Variants in DNAJA3 observed in about 807,000 individuals in gnomAD.
DNAJA3 encodes the protein DnaJ heat shock protein family (Hsp40) member A3, also known as dnaJ homolog subfamily A member 3, mitochondrial.
Under a neutral mutation model 54.9 loss-of-function variants are expected in DNAJA3, and 29 were observed. That is an observed-to-expected ratio of 0.53 (90% CI 0.39 to 0.72). The LOEUF is 0.72. Ranked by LOEUF, DNAJA3 falls within the 30% of genes least tolerant of loss-of-function variation. DNAJA3 has a pLI of 0.00. For synonymous variants in DNAJA3, 302 were observed against 251.4 expected, an observed-to-expected ratio of 1.20 and a Z score of -1.90; for missense variants, 708 against 639.4, an observed-to-expected ratio of 1.11 and a Z score of -1.16.
chr16:4,446,191 G>T (rs973793523), intron 7 of DNAJA3, among the ~76,000 whole-genome samples: 2 of 151,352 alleles, frequency 1.3e-5, no homozygotes, highest in African/African-American at 4.9e-5. Flanking sequence ...AAAGTGCTGG[G>T]ATTACAAGCG....
At chr16:4,448,879 G>A (rs749564392) in intron 9 of DNAJA3, 31 bp downstream of exon 9, 25 of 1,551,774 alleles carry the variant, frequency 1.6e-5, no homozygotes, top group African/African-American at 4.1e-5. Context: ...GGCCAAGCCC[G>A]CCTGGTCCTG....
Position 4,455,652 on chromosome 16 carries a change from C to A in DNAJA3, c.*120C>A. The A allele has an allele frequency of 6.7e-7, 1 of 1,499,034 alleles. No homozygotes were observed. The highest frequency in any genetic ancestry group is 9.1e-7 in the Non-Finnish European group (1 of 1,099,870). 92.9% of individuals were successfully genotyped at this position (1,499,034 alleles called of 1,614,324 possible). A position where few individuals can be genotyped will look rare whatever the true frequency, so the allele number is the denominator to read the frequency against. On this transcript the variant is annotated 3_prime_UTR_variant, in exon 12 of 12. Transcript: ENST00000262375. The stretch of plus-strand genomic sequence containing the variant: ...AACAGCAGCACTGAGCTCCCACCCG[C>A]AGAGCCTCTGGACGGCCTTGGCAAC...
Position 4,448,834 on chromosome 16 carries a change from G to C in DNAJA3, c.1227G>C (p.Lys409Asn). Reference sequence around the variant, plus strand: ...ACGGAGACCACTACATCCACATCAAGATACGAGTTCCAAAGTAAGTGCCCC... The same window carrying C: ...ACGGAGACCACTACATCCACATCAACATACGAGTTCCAAAGTAAGTGCCCC... ...YGYGDHYIHI[K>N]IRVPKRLTSR... The change falls in exon 9 of 12, where the codon AAG becomes AAC. Residue 409 changes from lysine (K) to asparagine (N), a missense_variant. Coordinates refer to ENST00000262375, the MANE Select transcript of DNAJA3 (RefSeq NM_005147.6). The C allele has an allele frequency of 1.2e-6, 2 of 1,613,770 alleles. No individual in the cohort carries two copies. Among genetic ancestry groups the C allele is most frequent in the Non-Finnish European group, 8.5e-7 (1 of 1,179,820 alleles).
intron 2 of DNAJA3, 95 bp from the exon 3 acceptor site, chr16:4,437,306 CT>C (rs1303071754): frequency 9.9e-7 from 1 of 1,007,578 alleles, no homozygotes; most frequent in African/African-American, 1.6e-5. Flanking sequence ...ATAATTATGA[CT>C]GGTATTTGGG....
At chr16:4,432,672 C>T (rs2056719519) in intron 1 of DNAJA3, among the ~76,000 whole-genome samples, 1 of 151,934 alleles carries the variant, frequency 6.6e-6, no homozygotes, top group Non-Finnish European at 1.5e-5. Context: ...CAGATTTCAT[C>T]TATTAAAACA....
chr16:4,447,298 C>G, intron 8 of DNAJA3: 1 of 382,000 alleles, frequency 2.6e-6, no homozygotes. Flanking sequence ...AGGGTTCACC[C>G]TGGGTTGTGC....
intron 10 of DNAJA3, among the ~76,000 whole-genome samples, chr16:4,453,367 A>G (rs2056998553): frequency 6.6e-6 from 1 of 151,900 alleles, no homozygotes; most frequent in African/African-American, 2.4e-5. Context: ...CAGAGAGGGA[A>G]CTGGGGGGGC....
intron 2 of DNAJA3, among the ~76,000 whole-genome samples, chr16:4,435,945 AT>A (rs1186794365): frequency 2.0e-5 from 3 of 152,226 alleles, no homozygotes; most frequent in African/African-American, 7.2e-5. Flanking sequence ...CCAGCAGCAT[AT>A]GAGGGCCATG....
chr16:4,449,231 A>C (rs140739078), intron 9 of DNAJA3, among the ~76,000 whole-genome samples: 11 of 152,034 alleles, frequency 7.2e-5, no homozygotes, highest in East Asian at 3.9e-4. Context: ...CTCCTGACCT[A>C]GTGATCCACC....
chr16:4,435,238 C>T (rs1016820452), intron 2 of DNAJA3, among the ~76,000 whole-genome samples: 4 of 151,922 alleles, frequency 2.6e-5, no homozygotes, highest in African/African-American at 7.3e-5. Context: ...CCATTGTATC[C>T]CAGGGTCTAT....
Position 4,448,852 on chromosome 16 carries a change from A to T in DNAJA3, c.1241+4A>T. On this transcript the variant is annotated splice_donor_region_variant and intron_variant, in intron 9 of 11. Transcript: ENST00000262375. ...ACATCAAGATACGAGTTCCAAAGTA[A>T]GTGCCCCCTAGGCTGTGGCCAAGCC... 6.2e-7 allele frequency: 1 copy of T among 1,610,426 alleles called. No homozygotes were observed. The highest frequency in any genetic ancestry group is 1.1e-5 in the South Asian group (1 of 90,670).
chr16:4,455,389 T>C (rs1003366487), intron 11 of DNAJA3, 157 bp from the exon 12 acceptor site: 15 of 795,908 alleles, frequency 1.9e-5, no homozygotes, highest in Non-Finnish European at 3.1e-5. Context: ...CCGTGTCATC[T>C]TGGGACCCAC....
chr16:4,443,687 C>CT (rs34123742), intron 6 of DNAJA3, among the ~76,000 whole-genome samples: 93,083 of 149,092 alleles, frequency 0.62, 29,978 homozygotes, highest in Non-Finnish European at 0.72. Context: ...CCTCCCTGTT[C>CT]TTTTTTTTTT....
At position 4,435,911 on chromosome 16, in the gene DNAJA3, C is replaced by G. The variant is rs1038850101; in HGVS notation, c.345+1394C>G. 2.6e-5 allele frequency among the ~76,000 whole-genome samples: 4 copies of G among 152,326 alleles called. No individual in the cohort carries two copies. In the South Asian group the frequency reaches 8.3e-4, roughly 32 times the overall value. ...GAGAAGCTGCCAGCCTTTTTCAAAG[C>G]AGCTGCACCATTTTACATTCCCACC... On this transcript the variant is annotated intron_variant, in intron 2 of 11. Coordinates refer to ENST00000262375, the MANE Select transcript of DNAJA3 (RefSeq NM_005147.6).
chr16:4,455,487 C>T lies in DNAJA3; in HGVS notation c.*14-59C>T, dbSNP rs939427738. 40 of 1,541,336 alleles carry T rather than the reference C, an allele frequency of 2.6e-5. No homozygotes were observed. In the Admixed American group the frequency reaches 6.1e-4, roughly 23 times the overall value. ...TCCAGGGATTAACAGACGCTCCCCA[C>T]AGGGGTGTGTTCCCTTGAAATGTTG... On this transcript the variant is annotated intron_variant, in intron 11 of 11. Transcript: ENST00000262375.
chr16:4,455,730 C>G lies in DNAJA3; in HGVS notation c.*198C>G, dbSNP rs992278650. On this transcript the variant is annotated 3_prime_UTR_variant, in exon 12 of 12. Coordinates refer to ENST00000262375, the MANE Select transcript of DNAJA3 (RefSeq NM_005147.6). The stretch of plus-strand genomic sequence containing the variant: ...CCACGGAAAGGTCACAGTGGACAGC[C>G]CGGGCAGTAGGATGCAGCCCCAGAG... 5.1e-6 allele frequency: 4 copies of G among 783,048 alleles called. No homozygotes were observed. Among genetic ancestry groups the G allele is most frequent in the Non-Finnish European group, 8.3e-6 (4 of 480,488 alleles). 48.5% of individuals were successfully genotyped at this position (783,048 alleles called of 1,614,324 possible).
Position 4,434,929 on chromosome 16 carries a change from C to T in DNAJA3, c.345+412C>T, listed in dbSNP as rs2056755650. The stretch of plus-strand genomic sequence containing the variant: ...TTTTTTTTTTTGAGATGGAGTCTCA[C>T]TCCATTGCTGAGGCTGGAGTGCAGT... On this transcript the variant is annotated intron_variant, in intron 2 of 11. Transcript: ENST00000262375. Among the ~76,000 whole-genome samples, 4 of 125,370 alleles carry T rather than the reference C, an allele frequency of 3.2e-5. 1 individual carries two copies. In the South Asian group the frequency reaches 1.1e-3, roughly 34 times the overall value. The allele number at this position is 125,370 out of a possible 152,430, so 82.2% of individuals were successfully genotyped here.
intron 6 of DNAJA3, among the ~76,000 whole-genome samples, chr16:4,444,234 A>G (rs1379103831): frequency 6.6e-6 from 1 of 152,196 alleles, no homozygotes; most frequent in Non-Finnish European, 1.5e-5. Flanking sequence ...TTCCTCGTTA[A>G]TAAGAAACAG....
At chr16:4,431,778 A>C (rs2056705341) in intron 1 of DNAJA3, 1 of 151,984 alleles carries the variant, frequency 6.6e-6, no homozygotes, top group South Asian at 2.1e-4. Flanking sequence ...AGATTTCACC[A>C]TGTTGGCCAG....
Sources: allele counts gnomAD v4.1 joint callset (sites outside exome capture counted in the v4.1 genomes callset), GRCh38; gene constraint gnomAD v4.1.1; transcripts MANE v1.5; gene names NCBI Gene and HGNC (gene_info 2026-07-23, HGNC 2026-07-21).